SFXN1: variants seen among roughly 807,000 people sequenced by gnomAD.
The protein encoded by SFXN1 is sideroflexin 1, also known as sideroflexin-1.
In SFXN1, 32 loss-of-function variants were observed where a neutral mutation model predicts 39.5. That is an observed-to-expected ratio of 0.81 (90% CI 0.61 to 1.09). The LOEUF is 1.09. Among genes scored for constraint, SFXN1 ranks in the 50% least tolerant of loss-of-function variants. The pLI is 0.00. For synonymous variants in SFXN1, 136 were observed against 146.5 expected (o/e 0.93, Z 0.52); for missense variants, 402 against 407.1 (o/e 0.99, Z 0.11).
At chr5:175,484,451 C>T (rs555102501) in intron 1 of SFXN1, among the ~76,000 whole-genome samples, 2 of 152,354 alleles carry the variant, frequency 1.3e-5, no homozygotes, top group Admixed American at 1.3e-4. Context: ...GTGCGGGGCA[C>T]ATGCCCTCAG....
intron 1 of SFXN1, among the ~76,000 whole-genome samples, chr5:175,491,047 G>T (rs78054621): frequency 6.6e-6 from 1 of 152,144 alleles, no homozygotes; most frequent in Non-Finnish European, 1.5e-5. Flanking sequence ...GAATACCACA[G>T]TGAGCATCTA....
chr5:175,523,590 G>A (rs1365441401), intron 10 of SFXN1: 1 of 152,108 alleles, frequency 6.6e-6, no homozygotes, highest in Admixed American at 6.5e-5. Flanking sequence ...AGATTGAAAG[G>A]GTTTTAGATT....
intron 7 of SFXN1, among the ~76,000 whole-genome samples, chr5:175,514,927 C>T (rs368000287): frequency 6.6e-5 from 10 of 152,208 alleles, no homozygotes; most frequent in Admixed American, 2.0e-4. Flanking sequence ...GCTATGGAGC[C>T]CACCCCGGTG....
At chr5:175,512,692 G>A (rs2662173) in intron 6 of SFXN1, among the ~76,000 whole-genome samples, 6,346 of 152,122 alleles carry the variant, frequency 0.042, 429 homozygotes, top group African/African-American at 0.14. Context: ...AATGGATAAC[G>A]AAAAACAGGG....
chr5:175,504,920 AG>A (rs1283022678), intron 2 of SFXN1, among the ~76,000 whole-genome samples: 3 of 151,946 alleles, frequency 2.0e-5, no homozygotes, highest in Non-Finnish European at 4.4e-5. Flanking sequence ...AGTAGAGACG[AG>A]ATTTCACAGT....
At chr5:175,492,052 C>A in intron 1 of SFXN1, 43 bp from the exon 2 acceptor site, 1 of 1,493,114 alleles carries the variant, frequency 6.7e-7, no homozygotes, top group Non-Finnish European at 9.1e-7. Context: ...TACGTAGTGA[C>A]ATTGTAAGCC....
rs1375349121 is a variant in SFXN1 at position 175,521,876 on chromosome 5, C to A, written c.775-43C>A. On this transcript the variant is annotated intron_variant, in intron 8 of 10. Transcript: ENST00000321442. Reference sequence around the variant, plus strand: ...TAATCAGAAGATATTGCCTCTAAGACCCTGTATAAAAAGTATTCAAAGCCA... The same window carrying A: ...TAATCAGAAGATATTGCCTCTAAGAACCTGTATAAAAAGTATTCAAAGCCA... 4.0e-6 allele frequency: 6 copies of A among 1,504,160 alleles called. No individual in the cohort carries two copies. In the South Asian group the frequency reaches 6.3e-5, roughly 16 times the overall value. The allele number at this position is 1,504,160 out of a possible 1,614,324, so 93.2% of individuals were successfully genotyped here.
chr5:175,510,273 T>G, intron 4 of SFXN1, 66 bp downstream of exon 4: 1 of 1,311,624 alleles, frequency 7.6e-7, no homozygotes, highest in Non-Finnish European at 1.1e-6. Flanking sequence ...GTGGTGATAC[T>G]CTCCTGTTTA....
rs189288748 is a variant in SFXN1, at chr5:175,526,743, G to A, written c.*9G>A. 6 of 1,605,234 alleles carry A rather than the reference G, an allele frequency of 3.7e-6. No homozygotes were observed. Among genetic ancestry groups the A allele is most frequent in the Middle Eastern group, 1.7e-4 (1 of 6,030 alleles). On this transcript the variant is annotated 3_prime_UTR_variant, in exon 11 of 11. Transcript: ENST00000321442. ...TCAATAAGGGATTGTAAAGCAGGGA[G>A]GAAACCTCTGCAGCTCATTCTGCCA...
At chr5:175,498,000 G>C (rs1219869283) in intron 2 of SFXN1, among the ~76,000 whole-genome samples, 2 of 148,172 alleles carry the variant, frequency 1.3e-5, no homozygotes, top group African/African-American at 4.9e-5. Context: ...TATCATCTTT[G>C]ATAGATCATC....
chr5:175,522,235 C>T, intron 9 of SFXN1, 140 bp from the exon 10 acceptor site: 1 of 851,578 alleles, frequency 1.2e-6, no homozygotes, highest in Non-Finnish European at 1.7e-6. Context: ...AAAACTTACA[C>T]AAACAGGACT....
intron 1 of SFXN1, chr5:175,483,507 C>T (rs1016628602): frequency 3.3e-5 from 5 of 152,266 alleles, no homozygotes; most frequent in Middle Eastern, 6.8e-3. Context: ...ACACAGAGAC[C>T]GTCTGTCACC....
chr5:175,492,291 G>T (rs1469846140), intron 2 of SFXN1, 24 bp downstream of exon 2: 1 of 1,576,372 alleles, frequency 6.3e-7, no homozygotes, highest in Non-Finnish European at 8.6e-7. Flanking sequence ...TTGTTTTTTG[G>T]TTTAATGTAT....
In SFXN1 at chr5:175,492,259, T is replaced by C. The variant is rs753368950; in HGVS notation, c.156T>C (p.His52=). 6.2e-7 allele frequency: 1 copy of C among 1,609,212 alleles called. No homozygotes were observed. Among genetic ancestry groups the C allele is most frequent in the Non-Finnish European group, 8.5e-7 (1 of 1,178,690 alleles). Residue 52 remains histidine, a synonymous_variant, in exon 2 of 11, where the codon CAT becomes CAC. Coordinates refer to ENST00000321442, the MANE Select transcript of SFXN1 (RefSeq NM_022754.7). ...EQLESARKIV[H]DYRQGIVPPG... is the part of the protein sequence containing the mutation. ...TCGAGAGTGCGAGAAAAATAGTACA[T>C]GATTACAGGTAACATTAATTATTGT... is the stretch of plus-strand genomic sequence containing the variant.
At chr5:175,479,861 T>G (rs61447703) in intron 1 of SFXN1, among the ~76,000 whole-genome samples, 6,788 of 152,256 alleles carry the variant, frequency 0.045, 492 homozygotes, top group African/African-American at 0.15. Flanking sequence ...CTTGGGTGCC[T>G]TTGGATTCTC....
chr5:175,521,253 T>TAAA (rs5873501), intron 8 of SFXN1, among the ~76,000 whole-genome samples: 5 of 144,562 alleles, frequency 3.5e-5, no homozygotes, highest in Non-Finnish European at 3.0e-5. Context: ...TCATTTCCAT[T>TAAA]AAAAAAAAAA....
intron 2 of SFXN1, among the ~76,000 whole-genome samples, chr5:175,508,570 G>A (rs1218712088): frequency 2.6e-5 from 4 of 151,556 alleles, no homozygotes; most frequent in Non-Finnish European, 5.9e-5. Context: ...TGTCCTGTAT[G>A]TTTTGAAATT....
intron 2 of SFXN1, among the ~76,000 whole-genome samples, chr5:175,507,985 A>C (rs1032124847): frequency 1.3e-5 from 2 of 152,030 alleles, no homozygotes; most frequent in Admixed American, 1.3e-4. Flanking sequence ...AAAAAAAAAA[A>C]AAAAAAATTC....
At chr5:175,522,160 C>T (rs981370867) in intron 9 of SFXN1, among the ~76,000 whole-genome samples, 192 bp downstream of exon 9, 1 of 152,152 alleles carries the variant, frequency 6.6e-6, no homozygotes, top group Admixed American at 6.5e-5. Context: ...GGGGGCTATT[C>T]GTGTGATTCT....
Sources: gnomAD v4.1 joint callset for allele counts (sites outside exome capture counted in the v4.1 genomes callset) on GRCh38, gnomAD v4.1.1 for gene constraint, MANE v1.5 for transcripts, NCBI Gene and HGNC (gene_info 2026-07-23, HGNC 2026-07-21) for gene names.